Variants in IGF2BP2 observed in about 807,000 individuals in gnomAD.
IGF2BP2 encodes insulin-like growth factor 2 mRNA-binding protein 2.
IGF2BP2 carries 17 observed loss-of-function variants against 75.8 expected under a neutral mutation model. That is an observed-to-expected ratio of 0.22 (90% CI 0.15 to 0.34). The LOEUF is 0.34. IGF2BP2 is among the 10% of genes least tolerant of loss of function. IGF2BP2 has a pLI of 1.00. For synonymous variants in IGF2BP2, 288 were observed against 295.6 expected (o/e 0.97, Z 0.26); for missense variants, 516 against 772.4 (o/e 0.67, Z 3.93).
intron 2 of IGF2BP2, among the ~76,000 whole-genome samples, chr3:185,738,462 A>G (rs1729132761): frequency 6.6e-6 from 1 of 152,192 alleles, no homozygotes; most frequent in Admixed American, 6.5e-5. Context: ...GGAGTCAGGA[A>G]GGGCTTCAGG....
intron 4 of IGF2BP2, among the ~76,000 whole-genome samples, chr3:185,694,815 G>A (rs1018084179): frequency 2.6e-5 from 4 of 152,206 alleles, no homozygotes; most frequent in East Asian, 1.9e-4. Flanking sequence ...TGCCGGGCAC[G>A]GTGGCTCACA....
At chr3:185,776,231 G>T (rs1314547293) in intron 2 of IGF2BP2, among the ~76,000 whole-genome samples, 7 of 152,248 alleles carry the variant, frequency 4.6e-5, no homozygotes, top group African/African-American at 1.4e-4. Flanking sequence ...TGTGAAAGAA[G>T]TGAGACTCTG....
intron 2 of IGF2BP2, among the ~76,000 whole-genome samples, chr3:185,784,928 T>C (rs1014946326): frequency 7.9e-5 from 12 of 152,238 alleles, no homozygotes; most frequent in African/African-American, 2.7e-4. Flanking sequence ...AGTGGTGTGC[T>C]GTCAAAATTT....
chr3:185,725,261 T>A (rs1337561072), intron 2 of IGF2BP2, among the ~76,000 whole-genome samples: 1 of 152,200 alleles, frequency 6.6e-6, no homozygotes, highest in Non-Finnish European at 1.5e-5. Flanking sequence ...TAGCAACAGA[T>A]AATCAATATA....
chr3:185,675,462 T>C, intron 8 of IGF2BP2, 31 bp from the exon 9 acceptor site: 1 of 1,586,656 alleles, frequency 6.3e-7, no homozygotes. Flanking sequence ...AGAAATTTTG[T>C]TTTCAACGGG....
intron 1 of IGF2BP2, 39 bp from the exon 2 acceptor site, chr3:185,823,252 G>T (rs772592370): frequency 1.2e-5 from 19 of 1,525,580 alleles, no homozygotes; most frequent in Non-Finnish European, 1.5e-5. Flanking sequence ...ACCTTGCTTA[G>T]ATCAAGCCCG....
chr3:185,783,540 G>A (rs1320923526), intron 2 of IGF2BP2, among the ~76,000 whole-genome samples: 2 of 152,156 alleles, frequency 1.3e-5, no homozygotes, highest in Non-Finnish European at 2.9e-5. Context: ...GCCGTTACTT[G>A]GTCACCAGCC....
intron 6 of IGF2BP2, 24 bp downstream of exon 6, chr3:185,689,322 GAAGGAAGCA>G (rs775052899): frequency 6.2e-7 from 1 of 1,602,398 alleles, no homozygotes; most frequent in Non-Finnish European, 8.5e-7. Flanking sequence ...GGACCCCTCA[GAAGGAAGCA>G]AAGGAAGCCC....
chr3:185,719,176 T>C (rs1488943507), intron 2 of IGF2BP2, among the ~76,000 whole-genome samples: 1 of 152,132 alleles, frequency 6.6e-6, no homozygotes, highest in Admixed American at 6.5e-5. Flanking sequence ...GGTGAAGAGT[T>C]TGCACTGATA....
chr3:185,714,018 T>C (rs554203370), intron 2 of IGF2BP2, among the ~76,000 whole-genome samples: 18 of 152,322 alleles, frequency 1.2e-4, no homozygotes, highest in Non-Finnish European at 2.4e-4. Context: ...TGTATATTCT[T>C]TGCACAAAAT....
Position 185,649,393 on chromosome 3 carries a change from G to T in IGF2BP2, c.1593+10C>A, listed in dbSNP as rs761822372. On this transcript the variant is annotated intron_variant, in intron 14 of 15. Transcript: ENST00000382199. ...ACCCAGGTGATGAAGCGAGCCCGGA[G>T]CACACTTACGGTCTTGCCACCTTTG... is the stretch of plus-strand genomic sequence containing the variant. 1.9e-6 allele frequency: 3 copies of T among 1,612,382 alleles called. No homozygotes were observed. Among genetic ancestry groups the T allele is most frequent in the Non-Finnish European group, 2.5e-6 (3 of 1,179,764 alleles).
At chr3:185,662,213 C>T (rs1577860223) in intron 10 of IGF2BP2, among the ~76,000 whole-genome samples, 1 of 152,054 alleles carries the variant, frequency 6.6e-6, no homozygotes, top group Non-Finnish European at 1.5e-5. Context: ...CGTGGTGGCT[C>T]AAGCCTGTAA....
chr3:185,794,118 T>C (rs1473256083), intron 2 of IGF2BP2, among the ~76,000 whole-genome samples: 1 of 151,882 alleles, frequency 6.6e-6, no homozygotes, highest in Non-Finnish European at 1.5e-5. Context: ...CCACCACACC[T>C]GGCTAATTTT....
At chr3:185,708,194 T>G (rs1408429978) in intron 2 of IGF2BP2, among the ~76,000 whole-genome samples, 1 of 152,248 alleles carries the variant, frequency 6.6e-6, no homozygotes, top group East Asian at 1.9e-4. Flanking sequence ...AGTGGTATTT[T>G]TGACTTGTGG....
At chr3:185,683,513 G>T (rs1720689158) in intron 7 of IGF2BP2, among the ~76,000 whole-genome samples, 1 of 151,986 alleles carries the variant, frequency 6.6e-6, no homozygotes, top group Non-Finnish European at 1.5e-5. Context: ...GGTTCAAGCG[G>T]TTCTCATGCC....
At chr3:185,656,565 C>G (rs914253134) in intron 12 of IGF2BP2, among the ~76,000 whole-genome samples, 1 of 152,228 alleles carries the variant, frequency 6.6e-6, no homozygotes, top group African/African-American at 2.4e-5. Context: ...TGCGTAACAA[C>G]AAAAACTCTG....
intron 2 of IGF2BP2, among the ~76,000 whole-genome samples, chr3:185,731,908 G>C (rs1728242428): frequency 1.3e-5 from 2 of 152,032 alleles, no homozygotes; most frequent in African/African-American, 4.8e-5. Flanking sequence ...CGTGAATCCG[G>C]GAGGCAGAGT....
At chr3:185,764,150 T>C (rs547039592) in intron 2 of IGF2BP2, among the ~76,000 whole-genome samples, 2 of 151,210 alleles carry the variant, frequency 1.3e-5, no homozygotes, top group East Asian at 3.9e-4. Flanking sequence ...ATTATATGTC[T>C]ATTATATAAG....
rs755033940 is a variant in IGF2BP2, at chr3:185,668,508, G to GATATAT, written c.1200+4027_1200+4032dup. Among the ~76,000 whole-genome samples the GATATAT allele has an allele frequency of 9.1e-3, 1,146 of 125,724 alleles. 8 individuals are homozygous for GATATAT. The highest frequency in any genetic ancestry group is 0.016 in the African/African-American group (507 of 32,370). 82.5% of individuals were successfully genotyped at this position (125,724 alleles called of 152,430 possible). ...TGTTCGAGAGAGAGAGAGAGAGAGA[G>GATATAT]ATATATATATATATATATATATATA... is the stretch of plus-strand genomic sequence containing the variant. On this transcript the variant is annotated intron_variant, in intron 10 of 15. Transcript: ENST00000382199.
Sources: gnomAD v4.1 joint callset for allele counts (sites outside exome capture counted in the v4.1 genomes callset) on GRCh38, gnomAD v4.1.1 for gene constraint, MANE v1.5 for transcripts, NCBI Gene and HGNC (gene_info 2026-07-23, HGNC 2026-07-21) for gene names.